Variants in VWA3B observed in about 807,000 individuals in gnomAD.
VWA3B encodes the protein von Willebrand factor A domain-containing protein 3B.
Under a neutral mutation model 158.3 loss-of-function variants are expected in VWA3B, and 138 were observed. The ratio of observed to expected loss-of-function variants is 0.87; its 90% CI spans 0.76 to 1.00. The LOEUF is 1.00. VWA3B is among the 50% of genes least tolerant of loss of function. The pLI, the probability that VWA3B is intolerant of heterozygous loss-of-function variation, is 0.00. For synonymous variants in VWA3B, 596 were observed against 587.3 expected, an observed-to-expected ratio of 1.01 and a Z score of -0.21; for missense variants, 1,555 against 1,565.1, an observed-to-expected ratio of 0.99 and a Z score of 0.11.
chr2:98,246,586 T>C (rs988883995), intron 19 of VWA3B, among the ~76,000 whole-genome samples: 1 of 152,048 alleles, frequency 6.6e-6, no homozygotes, highest in African/African-American at 2.4e-5. Flanking sequence ...TTCACCATGT[T>C]GGCCAGGCTG....
At chr2:98,205,715 A>G (rs1682961247) in intron 12 of VWA3B, among the ~76,000 whole-genome samples, 1 of 152,224 alleles carries the variant, frequency 6.6e-6, no homozygotes, top group Non-Finnish European at 1.5e-5. Flanking sequence ...AATTTTAAAC[A>G]AAACAGCTTA....
In VWA3B at chr2:98,303,700, A is replaced by G; in HGVS notation, c.3421-2A>G. ...GAGTGAACTCTGTTGGTATTATTAC[A>G]GGAATTTTGCCCTCGGAGTGCACTT... On this transcript the variant is annotated splice_acceptor_variant, in intron 25 of 27. Transcript: ENST00000477737. LOFTEE classifies it high-confidence loss of function. 1 of 1,613,964 alleles carries G rather than the reference A, an allele frequency of 6.2e-7. No homozygotes were observed. Among genetic ancestry groups the G allele is most frequent in the Non-Finnish European group, 8.5e-7 (1 of 1,179,824 alleles).
At chr2:98,185,921 G>T (rs545252429) in intron 9 of VWA3B, among the ~76,000 whole-genome samples, 110 of 152,086 alleles carry the variant, frequency 7.2e-4, no homozygotes, top group Non-Finnish European at 1.2e-3. Flanking sequence ...CCACGCCTCT[G>T]CTCCTCTTAG....
At chr2:98,207,727 ATTGTGAGGGGTC>A in intron 12 of VWA3B, 1 of 385,728 alleles carries the variant, frequency 2.6e-6, no homozygotes. Context: ...AAGAGCACTT[ATTGTGAGGGGTC>A]TTTTTGGCAA....
At chr2:98,271,152 G>A (rs1286967613) in intron 22 of VWA3B, among the ~76,000 whole-genome samples, 2 of 151,920 alleles carry the variant, frequency 1.3e-5, no homozygotes, top group Non-Finnish European at 2.9e-5. Context: ...TAAAAGCCTG[G>A]ACTTTCACAG....
rs1686387035 is a variant in VWA3B, at chr2:98,246,264, A to G, written c.2674-4054A>G. 3.3e-5 allele frequency among the ~76,000 whole-genome samples: 5 copies of G among 152,260 alleles called. No individual in the cohort carries two copies. The South Asian group carries it at 1.0e-3, about 32-fold the overall frequency. On this transcript the variant is annotated intron_variant, in intron 19 of 27. Transcript: ENST00000477737. Reference sequence around the variant, plus strand: ...TTTTCCATTATTTTAAAAATAAAGCATTTCAGATAAAGTTGCAGCCACCTG... The same window carrying G: ...TTTTCCATTATTTTAAAAATAAAGCGTTTCAGATAAAGTTGCAGCCACCTG...
At chr2:98,309,586 G>A (rs944418371) in intron 26 of VWA3B, among the ~76,000 whole-genome samples, 6 of 152,200 alleles carry the variant, frequency 3.9e-5, no homozygotes, top group African/African-American at 1.4e-4. Context: ...GTGTCCCAGT[G>A]GAAATGATAC....
At chr2:98,307,481 C>T (rs540378249) in intron 26 of VWA3B, among the ~76,000 whole-genome samples, 2 of 152,360 alleles carry the variant, frequency 1.3e-5, no homozygotes, top group East Asian at 3.8e-4. Context: ...GGAAGAGGAA[C>T]AGGCTATGAC....
chr2:98,215,602 C>G (rs1021014059), intron 13 of VWA3B, among the ~76,000 whole-genome samples: 1 of 150,946 alleles, frequency 6.6e-6, no homozygotes, highest in Non-Finnish European at 1.5e-5. Flanking sequence ...ACTGCAAGCT[C>G]CACCTCCCGG....
chr2:98,234,692 A>G lies in VWA3B; in HGVS notation c.2353A>G (p.Arg785Gly), dbSNP rs973330707. ...SLLRSQMSSLRSSACSERKDG... is the reference protein window; with the variant it reads ...SLLRSQMSSLGSSACSERKDG... ...GCTCAGAAGCCAGATGTCCTCCCTCAGGAGCTCAGCTTGCAGTGAAAGGAA... is the reference window on the plus strand; with the variant it reads ...GCTCAGAAGCCAGATGTCCTCCCTCGGGAGCTCAGCTTGCAGTGAAAGGAA... The change falls in exon 17 of 28, where the codon AGG (arginine) becomes GGG (glycine). Residue 785 changes from arginine to glycine, a missense_variant. Arg to Gly is a moderately radical substitution (Grantham distance 125). Coordinates refer to ENST00000477737, the MANE Select transcript of VWA3B (RefSeq NM_144992.5). The G allele has an allele frequency of 6.2e-7, 1 of 1,614,226 alleles. No homozygotes were observed. The highest frequency in any genetic ancestry group is 8.5e-7 in the Non-Finnish European group (1 of 1,180,036).
At chr2:98,093,932 T>C (rs1477716770) in intron 2 of VWA3B, among the ~76,000 whole-genome samples, 2 of 152,202 alleles carry the variant, frequency 1.3e-5, no homozygotes, top group African/African-American at 2.4e-5. Flanking sequence ...TTTAACATAA[T>C]GCCCTTGAGG....
At chr2:98,223,153 G>A (rs1179491783) in intron 14 of VWA3B, among the ~76,000 whole-genome samples, 1 of 152,146 alleles carries the variant, frequency 6.6e-6, no homozygotes, top group Admixed American at 6.5e-5. Context: ...AAAATTCCAA[G>A]TGGAACTTTG....
intron 22 of VWA3B, among the ~76,000 whole-genome samples, chr2:98,272,682 C>T (rs1308836861): frequency 6.6e-6 from 1 of 152,048 alleles, no homozygotes; most frequent in South Asian, 2.1e-4. Flanking sequence ...TCAGAGACCC[C>T]AAGGATGTTA....
At chr2:98,310,395 G>A (rs1349852859) in intron 26 of VWA3B, among the ~76,000 whole-genome samples, 1 of 152,096 alleles carries the variant, frequency 6.6e-6, no homozygotes, top group Admixed American at 6.6e-5. Flanking sequence ...CAGGCAGGGG[G>A]GTAGGCATCT....
chr2:98,206,445 AC>A, intron 12 of VWA3B: 1 of 300,876 alleles, frequency 3.3e-6, no homozygotes. Context: ...TTTTGTGGTG[AC>A]CCAGCATTTG....
chr2:98,208,658 A>G (rs1683232342), intron 12 of VWA3B, among the ~76,000 whole-genome samples: 1 of 152,144 alleles, frequency 6.6e-6, no homozygotes, highest in African/African-American at 2.4e-5. Flanking sequence ...CCTTACTTCT[A>G]TTTAGGTCCC....
chr2:98,205,636 T>C (rs1006603546), intron 12 of VWA3B, among the ~76,000 whole-genome samples: 1 of 152,190 alleles, frequency 6.6e-6, no homozygotes, highest in African/African-American at 2.4e-5. Flanking sequence ...TGGCATATTT[T>C]TATTTTATTG....
chr2:98,181,827 A>G (rs1680609431), intron 9 of VWA3B, among the ~76,000 whole-genome samples: 1 of 152,236 alleles, frequency 6.6e-6, no homozygotes. Context: ...CATATGAGTC[A>G]GTAGGTCCGA....
In VWA3B at chr2:98,307,541, T is replaced by C. The variant is rs1243278087; in HGVS notation, c.3521+3739T>C. Among the ~76,000 whole-genome samples the C allele has an allele frequency of 2.0e-5, 3 of 152,246 alleles. No homozygotes were observed. In the East Asian group the frequency reaches 5.8e-4, roughly 29 times the overall value. ...AGCTTGCCAGGGCAAATATTTAAAC[T>C]AAATTGTGAGAGCTAAGAACATAAA... On this transcript the variant is annotated intron_variant, in intron 26 of 27. Transcript: ENST00000477737.
Sources: allele counts gnomAD v4.1 joint callset (sites outside exome capture counted in the v4.1 genomes callset), GRCh38; gene constraint gnomAD v4.1.1; transcripts MANE v1.5; gene names NCBI Gene and HGNC (gene_info 2026-07-23, HGNC 2026-07-21).